Variants in TAF1C observed in about 807,000 individuals in gnomAD.
The protein encoded by TAF1C is TATA box-binding protein-associated factor RNA polymerase I subunit C.
TAF1C carries 79 observed loss-of-function variants against 70.5 expected under a neutral mutation model. That is an observed-to-expected ratio of 1.12 (90% CI 0.93 to 1.35). TAF1C has a LOEUF of 1.35. TAF1C is among the 40% of genes most tolerant of loss of function. TAF1C has a pLI of 0.00. For missense variants in TAF1C, 1,412 were observed against 1,127.8 expected (o/e 1.25, Z -3.61); for synonymous variants, 614 against 491.1 (o/e 1.25, Z -3.31).
chr16:84,183,781 G>C lies in TAF1C; in HGVS notation c.139-3C>G. On this transcript the variant is annotated splice_polypyrimidine_tract_variant and splice_region_variant and intron_variant, in intron 2 of 14. Transcript: ENST00000566732. ...TTGGTCACATGCAGTGCCCCATTCT[G>C]AAGGGAGGACAATCGCAAGGACAGT... The C allele has an allele frequency of 6.2e-7, 1 of 1,607,578 alleles. No individual in the cohort carries two copies. Among genetic ancestry groups the C allele is most frequent in the Non-Finnish European group, 8.5e-7 (1 of 1,175,266 alleles).
intron 11 of TAF1C, 26 bp from the exon 12 acceptor site, chr16:84,181,212 C>T (rs1171115833): frequency 1.9e-6 from 3 of 1,594,780 alleles, no homozygotes; most frequent in East Asian, 2.3e-5. Flanking sequence ...AGGGTCAGCC[C>T]TCCCCACAGT....
chr16:84,186,211 G>A (rs946955923), intron 1 of TAF1C, among the ~76,000 whole-genome samples: 49 of 152,158 alleles, frequency 3.2e-4, no homozygotes, highest in African/African-American at 1.2e-3. Flanking sequence ...CAGTGCTCTC[G>A]CATGCACCGA....
Position 84,183,256 on chromosome 16 carries a change from C to T in TAF1C, c.396G>A (p.Leu132=), listed in dbSNP as rs4150137. Residue 132 remains leucine (L), a synonymous_variant, in exon 5 of 15, where the codon CTG becomes CTA. Coordinates refer to ENST00000566732, the MANE Select transcript of TAF1C (RefSeq NM_001243156.2). ...LGKLMLENFK[L]EGAGSRTKKK... The stretch of plus-strand genomic sequence containing the variant: ...ACGGGCCACTCACCCCCGCTCCCTC[C>T]AGCTTGAAATTCTCCAGCATCAGCT... 6.8e-3 allele frequency: 10,965 copies of T among 1,614,018 alleles called. 63 individuals are homozygous for T. The highest frequency in any genetic ancestry group is 7.8e-3 in the Non-Finnish European group (9,218 of 1,180,030).
At chr16:84,180,820 C>A in intron 12 of TAF1C, 1 of 1,370,720 alleles carries the variant, frequency 7.3e-7, no homozygotes, top group Non-Finnish European at 9.4e-7. Context: ...CCTGGCTGCA[C>A]CTCGAAGCTC....
At position 84,182,340 on chromosome 16, in the gene TAF1C, G is replaced by C; in HGVS notation, c.583C>G (p.His195Asp). 1 of 1,612,602 alleles carries C rather than the reference G, an allele frequency of 6.2e-7. No individual in the cohort carries two copies. The highest frequency in any genetic ancestry group is 8.5e-7 in the Non-Finnish European group (1 of 1,179,834). Residue 195 changes from histidine to aspartate, a missense_variant, in exon 7 of 15, where the codon CAC (histidine) becomes GAC (aspartate). Coordinates refer to ENST00000566732, the MANE Select transcript of TAF1C (RefSeq NM_001243156.2). This position sits in a 1 kb window ranked among gnomAD's most constrained non-coding sequence, Gnocchi z 5.0. The stretch of plus-strand genomic sequence containing the variant: ...TCCCACCGCAGCACCAGCTCCTCGT[G>C]CAGCAGCTCTGCCAAGTGGCTCGCC... ...SVASHLAELL[H>D]EELVLRWEQL...
In TAF1C at chr16:84,178,234, C is replaced by A; in HGVS notation, c.*707G>T. 1 of 426,140 alleles carries A rather than the reference C, an allele frequency of 2.3e-6. No individual in the cohort carries two copies. Among genetic ancestry groups the A allele is most frequent in the Admixed American group, 2.5e-5 (1 of 40,660 alleles). The allele number at this position is 426,140 out of a possible 1,614,324, so 26.4% of individuals were successfully genotyped here. ...ACTGACATGACCGTGACCCTCTGCT[C>A]AGAGGGCACTATCGACAGCCCACAG... On this transcript the variant is annotated 3_prime_UTR_variant, in exon 15 of 15. Coordinates refer to ENST00000566732, the MANE Select transcript of TAF1C (RefSeq NM_001243156.2).
At position 84,178,437 on chromosome 16, in the gene TAF1C, G is replaced by C. The variant is rs550483126; in HGVS notation, c.*504C>G. 2 of 458,280 alleles carry C rather than the reference G, an allele frequency of 4.4e-6. No individual in the cohort carries two copies. The highest frequency in any genetic ancestry group is 8.8e-6 in the Non-Finnish European group (2 of 228,310). The allele number at this position is 458,280 out of a possible 1,614,324, so 28.4% of individuals were successfully genotyped here. A position where few individuals can be genotyped will look rare whatever the true frequency, so the allele number is the denominator to read the frequency against. On this transcript the variant is annotated 3_prime_UTR_variant, in exon 15 of 15. Transcript: ENST00000566732. ...GAACCTGGATCCAAGGCATCTCCCT[G>C]TAGGAAACATCAGACCGGGGCAGAG...
rs775660935 is a variant in TAF1C, at chr16:84,179,441, C to T, written c.2032G>A (p.Glu678Lys). The T allele has an allele frequency of 2.5e-6, 4 of 1,596,874 alleles. No individual in the cohort carries two copies. The highest frequency in any genetic ancestry group is 3.3e-5 in the Admixed American group (2 of 59,822). ...QRDLGSLPAA[E>K]PPPAPESGLE... ...CCTGACTCGGGTGCAGGGGGTGGCT[C>T]TGCCGCAGGGAGGGAGCCCAGGTCT... Residue 678 changes from glutamate to lysine, a missense_variant, in exon 15 of 15, where the codon GAG (glutamate) becomes AAG (lysine). Coordinates refer to ENST00000566732, the MANE Select transcript of TAF1C (RefSeq NM_001243156.2).
At chr16:84,181,262 G>A in intron 11 of TAF1C, 66 bp downstream of exon 11, 2 of 1,604,580 alleles carry the variant, frequency 1.2e-6, no homozygotes, top group Admixed American at 1.7e-5. Flanking sequence ...GCCGCAGCCA[G>A]CCTGGGACTC....
chr16:84,180,668 C>T, intron 12 of TAF1C: 1 of 744,592 alleles, frequency 1.3e-6, no homozygotes, highest in Admixed American at 3.9e-5. Context: ...GGAGCCTGTG[C>T]TCGAGGCACG....
At chr16:84,184,191 G>A (rs1204434123) in intron 2 of TAF1C, among the ~76,000 whole-genome samples, 3 of 152,160 alleles carry the variant, frequency 2.0e-5, no homozygotes, top group African/African-American at 4.8e-5. Flanking sequence ...GGGATGTTTC[G>A]GCCCAGACAT....
Position 84,181,482 on chromosome 16 carries a change from C to G in TAF1C, c.1029-19G>C. On this transcript the variant is annotated intron_variant, in intron 10 of 14. Coordinates refer to ENST00000566732, the MANE Select transcript of TAF1C (RefSeq NM_001243156.2). ...CCGCAGCCTTGGGGAGACAGGCAAGCCGTGGGCAGGGGGACAGGCTGATGG... is the reference window on the plus strand; with the variant it reads ...CCGCAGCCTTGGGGAGACAGGCAAGGCGTGGGCAGGGGGACAGGCTGATGG... The G allele has an allele frequency of 1.2e-6, 2 of 1,613,636 alleles. No individual in the cohort carries two copies. Among genetic ancestry groups the G allele is most frequent in the Non-Finnish European group, 1.7e-6 (2 of 1,179,932 alleles).
intron 3 of TAF1C, 83 bp downstream of exon 3, chr16:84,183,614 G>T: frequency 6.5e-7 from 1 of 1,544,328 alleles, no homozygotes; most frequent in Non-Finnish European, 8.9e-7. Context: ...GGCTTAGCAG[G>T]GAGAGGAAGG....
chr16:84,180,608 A>C (rs4150162), intron 12 of TAF1C: 1 of 583,732 alleles, frequency 1.7e-6, no homozygotes, highest in Non-Finnish European at 2.8e-6. Context: ...GAGCCTTGCC[A>C]GCAGAAACCT....
chr16:84,183,708 G>A lies in TAF1C; in HGVS notation c.209C>T (p.Pro70Leu), dbSNP rs752315762. ...PATPGPLPML[P>L]PLIDPWDPGL... ...AATGAGACCCTTACCGATGAGGGGA[G>A]GCAGCATGGGGAGAGGCCCAGGGGT... The change falls in exon 3 of 15, where the codon CCT becomes CTT. Residue 70 changes from proline (P) to leucine (L), a missense_variant. Transcript: ENST00000566732. The A allele has an allele frequency of 6.2e-7, 1 of 1,612,436 alleles. No homozygotes were observed. The highest frequency in any genetic ancestry group is 1.1e-5 in the South Asian group (1 of 90,920).
rs774535567 is a variant in TAF1C at position 84,183,751 on chromosome 16, G to T, written c.166C>A (p.Leu56Met). ...CCAGGGGTTGCCGGCTCCCACAGCA[G>T]GTCCTTGGTCACATGCAGTGCCCCA... ...ENGALHVTKD[L>M]LWEPATPGPL... The change falls in exon 3 of 15, where the codon CTG becomes ATG. Residue 56 changes from leucine (L) to methionine (M), a missense_variant. Coordinates refer to ENST00000566732, the MANE Select transcript of TAF1C (RefSeq NM_001243156.2). 6.2e-7 allele frequency: 1 copy of T among 1,613,024 alleles called. No individual in the cohort carries two copies. The highest frequency in any genetic ancestry group is 2.2e-5 in the East Asian group (1 of 44,840).
chr16:84,184,179 C>T (rs1039207447), intron 2 of TAF1C, among the ~76,000 whole-genome samples: 13 of 152,222 alleles, frequency 8.5e-5, no homozygotes, highest in Admixed American at 3.3e-4. Flanking sequence ...CTGGGCTGGC[C>T]TGGGATGTTT....
Position 84,182,742 on chromosome 16 carries a change from C to T in TAF1C, c.483-302G>A, listed in dbSNP as rs918450651. The stretch of plus-strand genomic sequence containing the variant: ...CCGCAGGAAGGACACTGGCTCTTTC[C>T]TTAGATCATAAGCCATCTTGCTGCT... On this transcript the variant is annotated intron_variant, in intron 6 of 14. Transcript: ENST00000566732. This position sits in a 1 kb window ranked among gnomAD's most constrained non-coding sequence, Gnocchi z 5.0. 3.3e-5 allele frequency among the ~76,000 whole-genome samples: 5 copies of T among 152,218 alleles called. No homozygotes were observed. The highest frequency in any genetic ancestry group is 1.3e-4 in the Admixed American group (2 of 15,274).
chr16:84,181,246 G>A lies in TAF1C; in HGVS notation c.1165-60C>T, dbSNP rs199619500. The A allele has an allele frequency of 2.0e-4, 314 of 1,596,420 alleles. 4 individuals carry two copies. The South Asian group carries it at 3.2e-3, about 16-fold the overall frequency. On this transcript the variant is annotated intron_variant, in intron 11 of 14. Transcript: ENST00000566732. Reference sequence around the variant, plus strand: ...GTCCCAGGCCGGTGACGCTGTCCTCGCCCAGGCCGCAGCCAGCCTGGGACT... The same window carrying A: ...GTCCCAGGCCGGTGACGCTGTCCTCACCCAGGCCGCAGCCAGCCTGGGACT...
Sources: gnomAD v4.1 joint callset for allele counts (sites outside exome capture counted in the v4.1 genomes callset) on GRCh38, gnomAD v4.1.1 for gene constraint, Gnocchi (gnomAD v3.1) non-coding constraint, MANE v1.5 for transcripts, NCBI Gene and HGNC (gene_info 2026-07-23, HGNC 2026-07-21) for gene names.